Variants in TEK observed in about 807,000 individuals in gnomAD.
TEK encodes angiopoietin-1 receptor.
A neutral mutation model predicts 131.8 loss-of-function variants in TEK; 43 were observed. The ratio of observed to expected loss-of-function variants is 0.33; its 90% CI spans 0.26 to 0.42. The LOEUF is 0.42. Ranked by LOEUF, TEK falls within the 10% of genes least tolerant of loss-of-function variation. TEK has a pLI of 1.00. For missense variants in TEK, 1,162 were observed against 1,384.4 expected (o/e 0.84, Z 2.55); for synonymous variants, 580 against 491.6 (o/e 1.18, Z -2.38).
chr9:27,197,447 G>T lies in TEK; in HGVS notation c.1757G>T (p.Ser586Ile). 1 of 1,614,034 alleles carries T rather than the reference G, an allele frequency of 6.2e-7. No homozygotes were observed. Among genetic ancestry groups the T allele is most frequent in the Non-Finnish European group, 8.5e-7 (1 of 1,180,000 alleles). ...VEVERRSVQKSDQQNIKVPGN... is the reference protein window; with the variant it reads ...VEVERRSVQKIDQQNIKVPGN... ...GTGGAGAGAAGGTCTGTGCAAAAAA[G>T]TGATCAGCAGAATATTAAAGTTCCA... is the stretch of plus-strand genomic sequence containing the variant. The change falls in exon 12 of 23, where the codon AGT (serine) becomes ATT (isoleucine). Residue 586 changes from serine to isoleucine, a missense_variant. Physicochemically the swap from Ser to Ile is moderately radical, Grantham distance 142 (BLOSUM62 -2). Transcript: ENST00000380036.
chr9:27,224,396 A>G (rs12338101), intron 21 of TEK, among the ~76,000 whole-genome samples: 55,945 of 139,108 alleles, frequency 0.4, 10,684 homozygotes, highest in African/African-American at 0.49. Context: ...CAGCACATCA[A>G]AAAGCTTATC....
In TEK at chr9:27,227,206, T is replaced by TC. The variant is rs571109017; in HGVS notation, c.3201-996dup. 2.6e-5 allele frequency among the ~76,000 whole-genome samples: 4 copies of TC among 152,300 alleles called. No homozygotes were observed. In the South Asian group the frequency reaches 8.3e-4, roughly 32 times the overall value. ...ATTTGTTCAGCATGTGGGCTCTTGG[T>TC]CCCCACTGTCAGTCATTGATTCTGT... On this transcript the variant is annotated intron_variant, in intron 21 of 22. Transcript: ENST00000380036.
intron 2 of TEK, among the ~76,000 whole-genome samples, chr9:27,162,149 A>G (rs1363722780): frequency 6.6e-6 from 1 of 152,240 alleles, no homozygotes; most frequent in South Asian, 2.1e-4. Flanking sequence ...ATGATGAATC[A>G]GGAAAAACCT....
At chr9:27,151,509 C>T (rs1181864120) in intron 1 of TEK, among the ~76,000 whole-genome samples, 1 of 152,164 alleles carries the variant, frequency 6.6e-6, no homozygotes, top group Non-Finnish European at 1.5e-5. Context: ...CTTCTCATCT[C>T]TCTCTTGCTT....
rs1309934549 is a variant in TEK at position 27,228,293 on chromosome 9, A to G, written c.3288A>G (p.Leu1096=). Reference sequence around the variant, plus strand: ...TATTGGTGTCCTTAAACAGAATGTTAGAGGAGCGAAAGGTAAGTATTAAAG... The same window carrying G: ...TATTGGTGTCCTTAAACAGAATGTTGGAGGAGCGAAAGGTAAGTATTAAAG... ...AQILVSLNRM[L]EERKTYVNTT... Residue 1096 remains leucine (L), a synonymous_variant, in exon 22 of 23, where the codon TTA becomes TTG. Coordinates refer to ENST00000380036, the MANE Select transcript of TEK (RefSeq NM_000459.5). The G allele has an allele frequency of 1.2e-6, 2 of 1,612,020 alleles. No homozygotes were observed. The highest frequency in any genetic ancestry group is 1.7e-4 in the Middle Eastern group (1 of 6,044).
At position 27,197,397 on chromosome 9, in the gene TEK, C is replaced by T. The variant is rs1201180358; in HGVS notation, c.1707C>T (p.Ser569=). 3.1e-6 allele frequency: 5 copies of T among 1,614,126 alleles called. No homozygotes were observed. The highest frequency in any genetic ancestry group is 1.7e-5 in the Admixed American group (1 of 60,020). The change falls in exon 12 of 23, where the codon AGC becomes AGT. Residue 569 remains serine (S), a synonymous_variant. Coordinates refer to ENST00000380036, the MANE Select transcript of TEK (RefSeq NM_000459.5). The stretch of plus-strand genomic sequence containing the variant: ...TGACCTGGCAACCAATATTTCCAAG[C>T]TCGGAAGATGACTTTTATGTTGAAG... ...LNLTWQPIFP[S]SEDDFYVEVE...
At chr9:27,182,078 T>C (rs1019502128) in intron 7 of TEK, among the ~76,000 whole-genome samples, 2 of 152,186 alleles carry the variant, frequency 1.3e-5, no homozygotes, top group African/African-American at 4.8e-5. Flanking sequence ...GGAAATGCCA[T>C]GGGGCTACTA....
chr9:27,118,949 C>G (rs10967725), intron 1 of TEK, among the ~76,000 whole-genome samples: 1 of 152,186 alleles, frequency 6.6e-6, no homozygotes, highest in African/African-American at 2.4e-5. Flanking sequence ...GTCTTTAGTA[C>G]GAGAGAATGA....
chr9:27,202,288 G>C (rs1286940233), intron 12 of TEK, among the ~76,000 whole-genome samples: 1 of 152,092 alleles, frequency 6.6e-6, no homozygotes, highest in African/African-American at 2.4e-5. Flanking sequence ...CATAAATTGA[G>C]GGCAAGGACT....
intron 1 of TEK, among the ~76,000 whole-genome samples, chr9:27,128,214 C>T (rs1381307901): frequency 4.6e-5 from 7 of 152,176 alleles, no homozygotes; most frequent in Non-Finnish European, 7.3e-5. Context: ...GTTTTCCCAA[C>T]ACCATTTATT....
At chr9:27,221,548 G>A (rs904831798) in intron 21 of TEK, among the ~76,000 whole-genome samples, 2 of 152,166 alleles carry the variant, frequency 1.3e-5, no homozygotes, top group Non-Finnish European at 2.9e-5. Context: ...CATCTGGCAG[G>A]TGCCCCTCTG....
intron 1 of TEK, among the ~76,000 whole-genome samples, chr9:27,116,822 C>T (rs1821578906): frequency 6.6e-6 from 1 of 150,772 alleles, no homozygotes; most frequent in Non-Finnish European, 1.5e-5. Flanking sequence ...TATCCTGGGA[C>T]TTTAGAGAAT....
At chr9:27,197,069 A>C (rs1428618032) in intron 11 of TEK, among the ~76,000 whole-genome samples, 1 of 144,870 alleles carries the variant, frequency 6.9e-6, no homozygotes, top group African/African-American at 2.6e-5. Context: ...AACATCACAC[A>C]CTGGGGCCTG....
chr9:27,158,395 G>A (rs1483595230), intron 2 of TEK, among the ~76,000 whole-genome samples: 2 of 152,110 alleles, frequency 1.3e-5, no homozygotes. Context: ...TGTTCTAAGG[G>A]CATCATGGTA....
chr9:27,140,037 G>A (rs998203778), intron 1 of TEK, among the ~76,000 whole-genome samples: 1 of 152,080 alleles, frequency 6.6e-6, no homozygotes, highest in African/African-American at 2.4e-5. Flanking sequence ...AGCCCATTAG[G>A]GTTTTTCAGA....
At chr9:27,144,322 A>T (rs969959678) in intron 1 of TEK, among the ~76,000 whole-genome samples, 1 of 152,178 alleles carries the variant, frequency 6.6e-6, no homozygotes, top group Admixed American at 6.5e-5. Flanking sequence ...AGCGTAGCTC[A>T]TGCGAAGATG....
chr9:27,192,620 A>G lies in TEK; in HGVS notation c.1621A>G (p.Ile541Val), dbSNP rs201629688. Residue 541 changes from isoleucine to valine, a missense_variant, in exon 11 of 23, where the codon ATC (isoleucine) becomes GTC (valine). Around this residue, in one of 6 missense-constraint regions of TEK, gnomAD observed 477 missense variants for 471.0 expected, o/e 1.01. Coordinates refer to ENST00000380036, the MANE Select transcript of TEK (RefSeq NM_000459.5). ...GPVRRFTTAS[I>V]GLPPPRGLNL... ...TGTGAGACGCTTCACAACAGCTTCT[A>G]TCGGTCAGTGGAAGCCAACAGGCAT... 2.7e-5 allele frequency: 43 copies of G among 1,581,918 alleles called. No individual in the cohort carries two copies. The highest frequency in any genetic ancestry group is 1.4e-4 in the East Asian group (6 of 42,238).
intron 7 of TEK, 134 bp from the exon 8 acceptor site, chr9:27,183,325 G>A: frequency 3.1e-6 from 3 of 973,596 alleles, no homozygotes; most frequent in Non-Finnish European, 4.9e-6. Flanking sequence ...GGTGTCTTAT[G>A]TGATGACAAA....
At chr9:27,180,022 C>G (rs1337994844) in intron 6 of TEK, among the ~76,000 whole-genome samples, 1 of 152,058 alleles carries the variant, frequency 6.6e-6, no homozygotes, top group East Asian at 1.9e-4. Context: ...GTAGTTGTAC[C>G]TACAAGAAAG....
Sources: gnomAD v4.1 joint callset for allele counts (sites outside exome capture counted in the v4.1 genomes callset) on GRCh38, gnomAD v4.1.1 for gene constraint, gnomAD v4.1.1 regional missense constraint, MANE v1.5 for transcripts, NCBI Gene and HGNC (gene_info 2026-07-23, HGNC 2026-07-21) for gene names.